Variants in SGIP1 observed in about 807,000 individuals in gnomAD.
SGIP1 encodes the protein SH3-containing GRB2-like protein 3-interacting protein 1.
In SGIP1, 38 loss-of-function variants were observed where a neutral mutation model predicts 107.5. The observed-to-expected ratio is 0.35, with a 90% CI of 0.27 to 0.46. The LOEUF (loss-of-function observed/expected upper bound fraction) is 0.46, where lower values mean the gene tolerates loss of function less well. SGIP1 is among the 20% of genes least tolerant of loss of function. The pLI is 1.00. For missense variants in SGIP1, 929 were observed against 1,019.5 expected (o/e 0.91, Z 1.21); for synonymous variants, 365 against 366.1 (o/e 1.00, Z 0.03).
intron 17 of SGIP1, 144 bp from the exon 18 acceptor site, chr1:66,695,285 GCCTTC>G (rs1325360018): frequency 8.0e-7 from 1 of 1,255,768 alleles, no homozygotes; most frequent in East Asian, 3.8e-5. Flanking sequence ...TAGATTGCCA[GCCTTC>G]CCTTTTTCCT....
At chr1:66,567,972 G>T (rs2059887300) in intron 1 of SGIP1, among the ~76,000 whole-genome samples, 1 of 152,040 alleles carries the variant, frequency 6.6e-6, no homozygotes. Context: ...GCTTAGGATT[G>T]TCTTGGCTAT....
intron 3 of SGIP1, among the ~76,000 whole-genome samples, chr1:66,633,759 C>A (rs1215837038): frequency 6.6e-6 from 1 of 151,874 alleles, no homozygotes; most frequent in Non-Finnish European, 1.5e-5. Flanking sequence ...TCCTTCAAAT[C>A]TAAATCAGAT....
chr1:66,646,333 C>T (rs972501408), intron 7 of SGIP1, among the ~76,000 whole-genome samples: 1 of 152,104 alleles, frequency 6.6e-6, no homozygotes, highest in Non-Finnish European at 1.5e-5. Flanking sequence ...AGGGTCTACA[C>T]AAGTTAATGA....
At chr1:66,683,415 A>T (rs1017457627) in intron 15 of SGIP1, among the ~76,000 whole-genome samples, 2 of 152,184 alleles carry the variant, frequency 1.3e-5, no homozygotes, top group Non-Finnish European at 2.9e-5. Flanking sequence ...GCCTCTTTCA[A>T]TGAGGTCTTG....
chr1:66,660,573 T>C, intron 8 of SGIP1, 49 bp downstream of exon 8: 1 of 1,525,770 alleles, frequency 6.6e-7, no homozygotes, highest in South Asian at 1.1e-5. Context: ...ATTTATTCTG[T>C]TTATTTTCAT....
In SGIP1 at chr1:66,570,329, G is replaced by T. The variant is rs528488777; in HGVS notation, c.10+35961G>T. On this transcript the variant is annotated intron_variant, in intron 1 of 24. Coordinates refer to ENST00000371037, the MANE Select transcript of SGIP1 (RefSeq NM_032291.4). The stretch of plus-strand genomic sequence containing the variant: ...TGGGGTGTAGAGGGAAAACAAAGTT[G>T]ATTCCTCCATTGCTATAATCCAGGT... Among the ~76,000 whole-genome samples, 7 of 151,924 alleles carry T rather than the reference G, an allele frequency of 4.6e-5. No homozygotes were observed. The South Asian group carries it at 1.2e-3, about 27-fold the overall frequency.
chr1:66,719,684 G>A (rs2093425679), intron 19 of SGIP1, among the ~76,000 whole-genome samples: 3 of 152,058 alleles, frequency 2.0e-5, no homozygotes, highest in African/African-American at 7.2e-5. Context: ...ATTCCGCTTT[G>A]GTTGCAAGTA....
intron 22 of SGIP1, among the ~76,000 whole-genome samples, chr1:66,739,876 G>A (rs940865573): frequency 6.6e-6 from 1 of 152,146 alleles, no homozygotes; most frequent in Non-Finnish European, 1.5e-5. Context: ...CTGTAATTCC[G>A]ATCCTAGGAC....
chr1:66,600,649 A>G (rs138701203), intron 1 of SGIP1, among the ~76,000 whole-genome samples: 114 of 152,308 alleles, frequency 7.5e-4, no homozygotes, highest in African/African-American at 2.5e-3. Context: ...AAAGGATGCA[A>G]GTGGTTGAAT....
chr1:66,741,466 C>T (rs764247673), intron 24 of SGIP1, 30 bp downstream of exon 24: 34 of 1,530,906 alleles, frequency 2.2e-5, no homozygotes, highest in Middle Eastern at 1.7e-4. Flanking sequence ...TTTTCATTTG[C>T]GAAAATAATG....
chr1:66,690,109 G>A (rs2089491588), intron 16 of SGIP1, 81 bp from the exon 17 acceptor site: 2 of 1,532,988 alleles, frequency 1.3e-6, no homozygotes, highest in Admixed American at 1.8e-5. Flanking sequence ...TCATATCTGG[G>A]GCTGGGAGAC....
At chr1:66,617,805 C>A (rs2069774859) in intron 1 of SGIP1, among the ~76,000 whole-genome samples, 1 of 152,058 alleles carries the variant, frequency 6.6e-6, no homozygotes, top group South Asian at 2.1e-4. Flanking sequence ...AATGTGCAGC[C>A]TAACTTGCCT....
chr1:66,604,306 T>C (rs1051306608), intron 1 of SGIP1, among the ~76,000 whole-genome samples: 2 of 152,118 alleles, frequency 1.3e-5, no homozygotes, highest in African/African-American at 4.8e-5. Context: ...AAGAAACCAC[T>C]AGAATGCACC....
Position 66,662,435 on chromosome 1 carries a change from A to G in SGIP1, c.471+1911A>G, listed in dbSNP as rs576677397. On this transcript the variant is annotated intron_variant, in intron 8 of 24. Transcript: ENST00000371037. Reference sequence around the variant, plus strand: ...TTGGTTAGTTGGAAATGATAAACATATTGAAACACTTTATTCACATTGACT... The same window carrying G: ...TTGGTTAGTTGGAAATGATAAACATGTTGAAACACTTTATTCACATTGACT... Among the ~76,000 whole-genome samples the G allele has an allele frequency of 2.6e-5, 4 of 152,358 alleles. No homozygotes were observed. The East Asian group carries it at 7.7e-4, about 29-fold the overall frequency.
At chr1:66,611,973 C>A (rs1047118731) in intron 1 of SGIP1, among the ~76,000 whole-genome samples, 3 of 152,138 alleles carry the variant, frequency 2.0e-5, no homozygotes, top group African/African-American at 7.2e-5. Context: ...AGAAGTTGTC[C>A]TAGTCCACTT....
intron 19 of SGIP1, among the ~76,000 whole-genome samples, chr1:66,723,153 C>T (rs116313433): frequency 0.016 from 2,443 of 152,250 alleles, 64 homozygotes; most frequent in African/African-American, 0.056. Context: ...AAGGAAACAA[C>T]TCAAGTTCTA....
chr1:66,696,049 A>G (rs1174340122), intron 18 of SGIP1, among the ~76,000 whole-genome samples: 1 of 152,220 alleles, frequency 6.6e-6, no homozygotes, highest in Non-Finnish European at 1.5e-5. Context: ...GTCTCCTGAA[A>G]TTGCAATTGA....
chr1:66,585,906 T>C (rs1360223552), intron 1 of SGIP1, among the ~76,000 whole-genome samples: 1 of 152,190 alleles, frequency 6.6e-6, no homozygotes, highest in Non-Finnish European at 1.5e-5. Context: ...GCGAAAATAA[T>C]TTAGTGATTT....
At chr1:66,701,112 C>T (rs371561298) in intron 18 of SGIP1, among the ~76,000 whole-genome samples, 2 of 152,130 alleles carry the variant, frequency 1.3e-5, no homozygotes, top group South Asian at 2.1e-4. Flanking sequence ...ATAGAGCATT[C>T]GACTTTCCTT....
Sources: allele counts gnomAD v4.1 joint callset (sites outside exome capture counted in the v4.1 genomes callset), GRCh38; gene constraint gnomAD v4.1.1; transcripts MANE v1.5; gene names NCBI Gene and HGNC (gene_info 2026-07-23, HGNC 2026-07-21).